The following AP3B1 variants were observed in gnomAD, a reference collection of about 807,000 sequenced individuals.
The protein encoded by AP3B1 is adaptor related protein complex 3 subunit beta 1, also known as AP-3 complex subunit beta-1.
AP3B1 carries 61 observed loss-of-function variants against 132.5 expected under a neutral mutation model. The ratio of observed to expected loss-of-function variants is 0.46; its 90% CI spans 0.37 to 0.57. The LOEUF is 0.57. Among genes scored for constraint, AP3B1 ranks in the 20% least tolerant of loss-of-function variants. The probability of loss-of-function intolerance (pLI) is 0.00; values close to 1 mark genes in which losing one functional copy is unlikely to be tolerated. For missense variants in AP3B1, 1,120 were observed against 1,289.4 expected, an observed-to-expected ratio of 0.87 and a Z score of 2.01; for synonymous variants, 388 against 438.3, an observed-to-expected ratio of 0.89 and a Z score of 1.43.
At chr5:78,068,440 G>C (rs1198629049) in intron 22 of AP3B1, among the ~76,000 whole-genome samples, 2 of 152,052 alleles carry the variant, frequency 1.3e-5, no homozygotes, top group African/African-American at 2.4e-5. Context: ...AAATAATGAA[G>C]GGGATATTAC....
chr5:78,258,588 G>A (rs1747945520), intron 2 of AP3B1, among the ~76,000 whole-genome samples: 1 of 152,194 alleles, frequency 6.6e-6, no homozygotes, highest in South Asian at 2.1e-4. Context: ...CACACTGTTG[G>A]TGGGAATATA....
intron 22 of AP3B1, among the ~76,000 whole-genome samples, chr5:78,081,839 T>C (rs1028072571): frequency 6.6e-6 from 1 of 152,132 alleles, no homozygotes; most frequent in Non-Finnish European, 1.5e-5. Context: ...AGAAAAATTA[T>C]GAAATCAATC....
At position 78,181,630 on chromosome 5, in the gene AP3B1, G is replaced by A. The variant is rs1395091420; in HGVS notation, c.819C>T (p.Phe273=). 3 of 1,612,186 alleles carry A rather than the reference G, an allele frequency of 1.9e-6. No individual in the cohort carries two copies. Among genetic ancestry groups the A allele is most frequent in the Non-Finnish European group, 2.5e-6 (3 of 1,179,406 alleles). ...CCTTCTGATCATCATCAGATTCGTA[G>A]AAATTCTTTCCATTGTCTTCTAATT... ...GDELEDNGKN[F]YESDDDQKEK... is the part of the protein sequence containing the mutation. Residue 273 remains phenylalanine, a synonymous_variant, in exon 8 of 27, where the codon TTC becomes TTT. Coordinates refer to ENST00000255194, the MANE Select transcript of AP3B1 (RefSeq NM_003664.5).
intron 22 of AP3B1, among the ~76,000 whole-genome samples, chr5:78,084,946 TTAA>T (rs1403871444): frequency 6.6e-6 from 1 of 152,210 alleles, no homozygotes; most frequent in Non-Finnish European, 1.5e-5. Context: ...TAAAAACATC[TTAA>T]TAATTGTACA....
At chr5:78,046,429 A>G (rs1366289572) in intron 22 of AP3B1, among the ~76,000 whole-genome samples, 2 of 152,222 alleles carry the variant, frequency 1.3e-5, no homozygotes, top group Non-Finnish European at 2.9e-5. Flanking sequence ...CCAACGGTCC[A>G]TGGAAAAACT....
intron 24 of AP3B1, among the ~76,000 whole-genome samples, chr5:78,027,227 T>A (rs1456528437): frequency 6.6e-6 from 1 of 151,942 alleles, no homozygotes; most frequent in Non-Finnish European, 1.5e-5. Context: ...TAGTTTTTTA[T>A]AATTAAATAA....
At chr5:78,025,441 A>G (rs1325941637) in intron 24 of AP3B1, among the ~76,000 whole-genome samples, 1 of 152,222 alleles carries the variant, frequency 6.6e-6, no homozygotes, top group Non-Finnish European at 1.5e-5. Flanking sequence ...AGAGAGCCCA[A>G]CTGAAACATA....
chr5:78,025,612 T>C (rs1163709570), intron 24 of AP3B1, among the ~76,000 whole-genome samples: 1 of 152,196 alleles, frequency 6.6e-6, no homozygotes, highest in African/African-American at 2.4e-5. Flanking sequence ...CTGTCTGGAA[T>C]GCAGATGGAA....
chr5:78,255,253 T>C (rs553365313), intron 2 of AP3B1, among the ~76,000 whole-genome samples: 107 of 152,120 alleles, frequency 7.0e-4, no homozygotes, highest in Middle Eastern at 3.4e-3. Flanking sequence ...TTATCAATAA[T>C]AACATTTAAC....
intron 22 of AP3B1, among the ~76,000 whole-genome samples, chr5:78,081,453 G>A (rs1395602285): frequency 1.3e-5 from 2 of 151,498 alleles, no homozygotes; most frequent in Admixed American, 1.3e-4. Context: ...GACTACAGGC[G>A]CCCGCCACTG....
At chr5:78,283,894 G>A (rs765040243) in intron 1 of AP3B1, among the ~76,000 whole-genome samples, 1 of 152,132 alleles carries the variant, frequency 6.6e-6, no homozygotes, top group Non-Finnish European at 1.5e-5. Flanking sequence ...AAACCTTCAT[G>A]ATAAAATCCT....
At chr5:78,030,297 C>T (rs1280992919) in intron 24 of AP3B1, among the ~76,000 whole-genome samples, 3 of 152,144 alleles carry the variant, frequency 2.0e-5, no homozygotes, top group African/African-American at 7.2e-5. Context: ...ATCACCATGC[C>T]TGGTTCTGTC....
intron 11 of AP3B1, among the ~76,000 whole-genome samples, chr5:78,168,268 G>C (rs1189739889): frequency 2.0e-5 from 3 of 148,090 alleles, no homozygotes; most frequent in Non-Finnish European, 4.4e-5. Flanking sequence ...CTGTCACCGA[G>C]GGTGGAGTGC....
chr5:78,159,825 TC>T (rs1341543056), intron 13 of AP3B1, among the ~76,000 whole-genome samples: 1 of 152,216 alleles, frequency 6.6e-6, no homozygotes, highest in African/African-American at 2.4e-5. Context: ...CCTCTTGGTT[TC>T]CAAAGACCTC....
At chr5:78,057,246 C>T (rs111958195) in intron 22 of AP3B1, among the ~76,000 whole-genome samples, 79 of 152,282 alleles carry the variant, frequency 5.2e-4, no homozygotes, top group Middle Eastern at 3.4e-3. Flanking sequence ...TTTAGCTCCT[C>T]TTCTGTAGTC....
intron 21 of AP3B1, among the ~76,000 whole-genome samples, chr5:78,092,938 C>T (rs2112210414): frequency 1.3e-5 from 2 of 152,304 alleles, no homozygotes; most frequent in South Asian, 4.1e-4. Context: ...GCATGAGCCA[C>T]CATGCCAAGC....
At chr5:78,112,785 T>C (rs555463351) in intron 19 of AP3B1, among the ~76,000 whole-genome samples, 7 of 152,356 alleles carry the variant, frequency 4.6e-5, no homozygotes, top group Non-Finnish European at 7.4e-5. Flanking sequence ...ATGGTAATTA[T>C]TGTTTACCTT....
chr5:78,089,018 TG>T (rs1398697958), intron 22 of AP3B1: 1 of 163,266 alleles, frequency 6.1e-6, no homozygotes, highest in African/African-American at 2.4e-5. Flanking sequence ...TAATAGTCTA[TG>T]AAAAAATAGT....
Position 78,039,195 on chromosome 5 carries a change from T to C in AP3B1, c.2657A>G (p.Tyr886Cys). ...AATGCAAGGCTGTCTTGGAAAGAAA[T>C]AATGGGCAGCTAGTCCTTTTCCACT... ...RMSGKGLAAHYFFPRQPCIFG... is the reference protein window; with the variant it reads ...RMSGKGLAAHCFFPRQPCIFG... The change falls in exon 23 of 27, where the codon TAT becomes TGT. Residue 886 changes from tyrosine (Y) to cysteine (C), a missense_variant. Tyr to Cys is a radical substitution (Grantham distance 194, BLOSUM62 -2). Coordinates refer to ENST00000255194, the MANE Select transcript of AP3B1 (RefSeq NM_003664.5). 6.2e-7 allele frequency: 1 copy of C among 1,614,136 alleles called. No individual in the cohort carries two copies. The highest frequency in any genetic ancestry group is 8.5e-7 in the Non-Finnish European group (1 of 1,180,020).
Sources: gnomAD v4.1 joint callset for allele counts (sites outside exome capture counted in the v4.1 genomes callset) on GRCh38, gnomAD v4.1.1 for gene constraint, MANE v1.5 for transcripts, NCBI Gene and HGNC (gene_info 2026-07-23, HGNC 2026-07-21) for gene names.